The following PLB1 variants were observed in gnomAD, a reference collection of about 807,000 sequenced individuals.
The protein encoded by PLB1 is phospholipase B1, membrane-associated.
PLB1 carries 242 observed loss-of-function variants against 227.4 expected under a neutral mutation model. The observed-to-expected ratio is 1.06, with a 90% CI of 0.96 to 1.18. The LOEUF (loss-of-function observed/expected upper bound fraction) is 1.18, where lower values mean the gene tolerates loss of function less well. PLB1 is among the 50% of genes most tolerant of loss of function. The pLI, the probability that PLB1 is intolerant of heterozygous loss-of-function variation, is 0.00. For synonymous variants in PLB1, 757 were observed against 682.2 expected (o/e 1.11, Z -1.71); for missense variants, 1,858 against 1,816.3 (o/e 1.02, Z -0.42).
intron 41 of PLB1, 68 bp downstream of exon 41, chr2:28,604,827 C>T: frequency 7.2e-7 from 1 of 1,390,336 alleles, no homozygotes; most frequent in Non-Finnish European, 1.0e-6. Flanking sequence ...TTGCCAGTTG[C>T]TTCCACGAGC....
chr2:28,556,542 T>C (rs1675157100), intron 17 of PLB1, among the ~76,000 whole-genome samples: 1 of 152,208 alleles, frequency 6.6e-6, no homozygotes, highest in African/African-American at 2.4e-5. Flanking sequence ...TAAACACTCA[T>C]ATCATGCTCC....
intron 4 of PLB1, 103 bp from the exon 5 acceptor site, chr2:28,525,164 C>T (rs1670063419): frequency 6.4e-6 from 7 of 1,089,474 alleles, no homozygotes; most frequent in Middle Eastern, 2.9e-4. Flanking sequence ...TAGGTTCCCT[C>T]TTACTGGCAG....
intron 56 of PLB1, among the ~76,000 whole-genome samples, chr2:28,639,445 G>A (rs532852206): frequency 6.6e-6 from 1 of 152,216 alleles, no homozygotes. Flanking sequence ...GAGCAGCAGA[G>A]AGAAGGAGAG....
intron 21 of PLB1, among the ~76,000 whole-genome samples, chr2:28,576,664 A>G (rs564812097): frequency 1.3e-5 from 2 of 152,280 alleles, no homozygotes; most frequent in South Asian, 4.1e-4. Flanking sequence ...TGGGAGGTGG[A>G]GGTTGCAGTG....
chr2:28,612,920 A>ATTT (rs36059309), intron 43 of PLB1, among the ~76,000 whole-genome samples: 1 of 142,006 alleles, frequency 7.0e-6, no homozygotes. Flanking sequence ...GCCCAGACTA[A>ATTT]TTTTTTTTTT....
chr2:28,642,952 C>T lies in PLB1; in HGVS notation c.4268C>T (p.Ala1423Val). ...PEVLYWAVPV[A>V]AGVGLVVGII... ...GTGCTCTACTGGGCTGTCCCAGTGGCAGCGGGAGTCGGCCTTGTGGTGGGC... is the reference window on the plus strand; with the variant it reads ...GTGCTCTACTGGGCTGTCCCAGTGGTAGCGGGAGTCGGCCTTGTGGTGGGC... Residue 1423 changes from alanine to valine, a missense_variant, in exon 58 of 58, where the codon GCA becomes GTA. Physicochemically the swap from Ala to Val is moderately conservative, Grantham distance 64. Coordinates refer to ENST00000327757, the MANE Select transcript of PLB1 (RefSeq NM_153021.5). 6.2e-7 allele frequency: 1 copy of T among 1,609,030 alleles called. No homozygotes were observed. Among genetic ancestry groups the T allele is most frequent in the South Asian group, 1.1e-5 (1 of 89,810 alleles).
intron 1 of PLB1, among the ~76,000 whole-genome samples, chr2:28,509,707 CAG>C (rs1412393026): frequency 1.3e-5 from 2 of 152,078 alleles, no homozygotes; most frequent in African/African-American, 2.4e-5. Flanking sequence ...GGGAATTTTT[CAG>C]AGAGTTCAAA....
chr2:28,618,551 G>T, intron 46 of PLB1, 152 bp downstream of exon 46: 1 of 744,258 alleles, frequency 1.3e-6, no homozygotes, highest in Non-Finnish European at 2.2e-6. Flanking sequence ...ACAGCCAGGA[G>T]ATGTAGAATG....
intron 57 of PLB1, 23 bp from the exon 58 acceptor site, chr2:28,642,835 T>C (rs1345789240): frequency 1.9e-6 from 3 of 1,550,616 alleles, no homozygotes; most frequent in African/African-American, 2.7e-5. Context: ...TCCTTTCCAC[T>C]GACCCCCGCT....
At chr2:28,602,210 G>A (rs1266678717) in intron 38 of PLB1, among the ~76,000 whole-genome samples, 1 of 152,202 alleles carries the variant, frequency 6.6e-6, no homozygotes, top group Non-Finnish European at 1.5e-5. Context: ...GACACTCCTT[G>A]GTGGAATTGT....
In PLB1 at chr2:28,529,179, A is replaced by G. The variant is rs115453192; in HGVS notation, c.326-138A>G. 2.6e-3 allele frequency: 1,643 copies of G among 625,078 alleles called. 27 individuals are homozygous for G. In the African/African-American group the frequency reaches 0.027, roughly 10 times the overall value. The allele number at this position is 625,078 out of a possible 1,614,324, so 38.7% of individuals were successfully genotyped here. On this transcript the variant is annotated intron_variant, in intron 6 of 57. Transcript: ENST00000327757. ...TGCCTGGTCTCAAACTCTTGGGCTC[A>G]AGTGATCCTCCTGCCTCAGCCTCCC... is the stretch of plus-strand genomic sequence containing the variant.
intron 1 of PLB1, among the ~76,000 whole-genome samples, chr2:28,505,843 C>T (rs1430735678): frequency 7.2e-5 from 11 of 152,180 alleles, no homozygotes; most frequent in African/African-American, 2.2e-4. Flanking sequence ...TTGGGTCACA[C>T]ACCTAGTTGG....
chr2:28,581,464 T>C (rs1679926364), intron 23 of PLB1, among the ~76,000 whole-genome samples: 1 of 143,596 alleles, frequency 7.0e-6, no homozygotes, highest in Admixed American at 7.2e-5. Context: ...GGATATGGAG[T>C]AGATCCAGAG....
intron 56 of PLB1, among the ~76,000 whole-genome samples, chr2:28,634,266 C>A (rs921897631): frequency 6.6e-6 from 1 of 152,168 alleles, no homozygotes; most frequent in East Asian, 1.9e-4. Flanking sequence ...GTTTGCCCCA[C>A]GATTTTTAAA....
chr2:28,514,492 G>GT (rs1201761699), intron 1 of PLB1, among the ~76,000 whole-genome samples: 1 of 151,916 alleles, frequency 6.6e-6, no homozygotes, highest in African/African-American at 2.4e-5. Flanking sequence ...TCTTTTAATG[G>GT]TTCCAAAAAA....
intron 17 of PLB1, among the ~76,000 whole-genome samples, chr2:28,554,462 G>A (rs1396070458): frequency 7.1e-6 from 1 of 140,174 alleles, no homozygotes; most frequent in Non-Finnish European, 1.5e-5. Flanking sequence ...AAGTAGCTAG[G>A]ACTACAGGCA....
chr2:28,615,901 A>C (rs1478231804), intron 44 of PLB1, among the ~76,000 whole-genome samples: 7 of 152,244 alleles, frequency 4.6e-5, no homozygotes, highest in African/African-American at 1.7e-4. Context: ...GTAACCACAG[A>C]AACAAAATTC....
intron 17 of PLB1, among the ~76,000 whole-genome samples, chr2:28,562,558 A>AAAAAAAAAAG (rs1261725245): frequency 3.0e-4 from 45 of 147,742 alleles, no homozygotes; most frequent in South Asian, 4.3e-4. Context: ...AAAAAAAAAA[A>AAAAAAAAAAG]AGTCAGTGGC....
In PLB1 at chr2:28,567,715, G is replaced by A. The variant is rs555228199; in HGVS notation, c.1324+876G>A. ...TCTCGATTTCCTGACTTCGTGATCT[G>A]CCCGCCTTGGCCTCCCAAAGTGCTG... On this transcript the variant is annotated intron_variant, in intron 20 of 57. Transcript: ENST00000327757. Among the ~76,000 whole-genome samples, 665 of 152,144 alleles carry A rather than the reference G, an allele frequency of 4.4e-3. 6 individuals carry two copies. Among genetic ancestry groups the A allele is most frequent in the Middle Eastern group, 0.014 (4 of 294 alleles).
Sources: allele counts gnomAD v4.1 joint callset (sites outside exome capture counted in the v4.1 genomes callset), GRCh38; gene constraint gnomAD v4.1.1; transcripts MANE v1.5; gene names NCBI Gene and HGNC (gene_info 2026-07-23, HGNC 2026-07-21).